The following TMEM114 variants were observed in gnomAD, a reference collection of about 807,000 sequenced individuals.
The protein encoded by TMEM114 is claudin-26.
In TMEM114, 6 loss-of-function variants were observed where a neutral mutation model predicts 6.2. The ratio of observed to expected loss-of-function variants is 0.97; its 90% CI spans 0.53 to 1.91. The LOEUF (loss-of-function observed/expected upper bound fraction) is 1.91, where lower values mean the gene tolerates loss of function less well. Ranked by LOEUF, TMEM114 falls within the 40% of genes most tolerant of loss-of-function variation. TMEM114 has a pLI of 0.01. For synonymous variants in TMEM114, 104 were observed against 73.0 expected (o/e 1.42, Z -2.16); for missense variants, 218 against 158.3 (o/e 1.38, Z -2.02).
rs956563559 is a variant in TMEM114 at position 8,587,532 on chromosome 16, A to G, written c.301+1681T>C. ...GTGGAGGGAACAGCATGTGCAAAATATTTGTGGCAGGAGGAAACTTAGCAT... is the reference window on the plus strand; with the variant it reads ...GTGGAGGGAACAGCATGTGCAAAATGTTTGTGGCAGGAGGAAACTTAGCAT... On this transcript the variant is annotated intron_variant, in intron 2 of 3. Coordinates refer to ENST00000620492, the MANE Select transcript of TMEM114 (RefSeq NM_001146336.2). Among the ~76,000 whole-genome samples, 1,148 of 152,330 alleles carry G rather than the reference A, an allele frequency of 7.5e-3. 13 individuals are homozygous for G. Among genetic ancestry groups the G allele is most frequent in the African/African-American group, 0.027 (1,105 of 41,580 alleles).
chr16:8,547,392 C>G (rs908113788), intron 2 of TMEM114, among the ~76,000 whole-genome samples: 1 of 144,564 alleles, frequency 6.9e-6, no homozygotes, highest in African/African-American at 2.6e-5. Context: ...TTCTTTCTTT[C>G]TTTCTTTTTT....
rs1261199059 is a variant in TMEM114 at position 8,589,216 on chromosome 16, G to A, written c.298C>T (p.Leu100Phe). The A allele has an allele frequency of 2.5e-6, 1 of 398,772 alleles. No individual in the cohort carries two copies. Among genetic ancestry groups the A allele is most frequent in the Non-Finnish European group, 4.4e-6 (1 of 226,292 alleles). 24.7% of individuals were successfully genotyped at this position (398,772 alleles called of 1,614,324 possible). A position where few individuals can be genotyped will look rare whatever the true frequency, so the allele number is the denominator to read the frequency against. ...TCCTCACCCTCCCCGGACTCACTGAGAAGTTGCCGGCTCGATTCGCTGACT... is the reference window on the plus strand; with the variant it reads ...TCCTCACCCTCCCCGGACTCACTGAAAAGTTGCCGGCTCGATTCGCTGACT... The part of the protein sequence containing the change: ...VTVSESSRQL[L>F]TMHGTFVILL... Residue 100 changes from leucine to phenylalanine, a missense_variant, in exon 2 of 4, where the codon CTC becomes TTC. Leu to Phe is a conservative substitution (Grantham distance 22). Transcript: ENST00000620492.
intron 2 of TMEM114, among the ~76,000 whole-genome samples, chr16:8,581,009 G>A (rs1902130574): frequency 1.3e-5 from 2 of 152,070 alleles, no homozygotes; most frequent in South Asian, 4.1e-4. Flanking sequence ...TACTTTAACA[G>A]ATCTGAAAAT....
chr16:8,550,981 T>C (rs1478672831), intron 2 of TMEM114, among the ~76,000 whole-genome samples: 1 of 152,196 alleles, frequency 6.6e-6, no homozygotes, highest in Non-Finnish European at 1.5e-5. Flanking sequence ...ACTACAAAGA[T>C]GAATGATACA....
the TMEM114 span, among the ~76,000 whole-genome samples, chr16:8,528,403 A>C: frequency 6.6e-6 from 1 of 152,176 alleles, no homozygotes; most frequent in Non-Finnish European, 1.5e-5. Context: ...AATAGGCATC[A>C]ACACTCTGCT....
intron 2 of TMEM114, among the ~76,000 whole-genome samples, chr16:8,583,877 A>G (rs377511144): frequency 1.3e-5 from 2 of 152,074 alleles, no homozygotes; most frequent in Non-Finnish European, 2.9e-5. Flanking sequence ...CATGTGACCA[A>G]TCCTCCCCAC....
chr16:8,529,202 G>A, the TMEM114 span, among the ~76,000 whole-genome samples: 1 of 152,216 alleles, frequency 6.6e-6, no homozygotes, highest in Non-Finnish European at 1.5e-5. Flanking sequence ...AGACTTGGAT[G>A]AAGGTTATTT....
chr16:8,559,956 C>G (rs1055567447), intron 2 of TMEM114, among the ~76,000 whole-genome samples: 1 of 152,104 alleles, frequency 6.6e-6, no homozygotes, highest in African/African-American at 2.4e-5. Context: ...GAAGACCGGG[C>G]TTTGCGTCTC....
chr16:8,576,021 G>A (rs1901913336), intron 2 of TMEM114, among the ~76,000 whole-genome samples: 2 of 152,156 alleles, frequency 1.3e-5, no homozygotes, highest in South Asian at 4.1e-4. Flanking sequence ...AGACTGCGGT[G>A]TTCTGCTGGA....
chr16:8,576,936 A>G (rs1901958159), intron 2 of TMEM114, among the ~76,000 whole-genome samples: 1 of 152,222 alleles, frequency 6.6e-6, no homozygotes, highest in Non-Finnish European at 1.5e-5. Flanking sequence ...GTGGTGCCTT[A>G]AGAGACTCAG....
Position 8,569,827 on chromosome 16 carries a change from G to T in TMEM114, c.618C>A (p.Phe206Leu). The T allele has an allele frequency of 1.3e-6, 2 of 1,551,004 alleles. No homozygotes were observed. The highest frequency in any genetic ancestry group is 8.7e-7 in the Non-Finnish European group (1 of 1,146,952). ...GGCTGAGCTCGCGGGCTGCTGCCAG[G>T]AAGGCTGCCCCGGTGAGCAGCTCGG... ...FIAELLTGAA[F>L]LAAARELSLR... Residue 206 changes from phenylalanine (F) to leucine (L), a missense_variant, in exon 4 of 4, where the codon TTC becomes TTA. Transcript: ENST00000620492.
chr16:8,541,092 C>A (rs1321080961), intron 2 of TMEM114, among the ~76,000 whole-genome samples: 1 of 152,046 alleles, frequency 6.6e-6, no homozygotes, highest in East Asian at 1.9e-4. Flanking sequence ...ATAATAATGA[C>A]CACAAATAGA....
chr16:8,579,399 G>A (rs1174946818), intron 2 of TMEM114, among the ~76,000 whole-genome samples: 1 of 152,294 alleles, frequency 6.6e-6, no homozygotes, highest in East Asian at 1.9e-4. Context: ...ACTTCTGGAA[G>A]AGCTCAGAGC....
At chr16:8,550,221 T>C (rs1026764990) in intron 2 of TMEM114, among the ~76,000 whole-genome samples, 1 of 152,216 alleles carries the variant, frequency 6.6e-6, no homozygotes, top group Admixed American at 6.5e-5. Context: ...TGGGTCTTCC[T>C]CTACCAGTCC....
At chr16:8,573,034 C>G (rs530915946) in intron 2 of TMEM114, among the ~76,000 whole-genome samples, 10 of 152,330 alleles carry the variant, frequency 6.6e-5, no homozygotes, top group Non-Finnish European at 1.0e-4. Context: ...ATATTTGTCA[C>G]CACAAGGAGG....
intron 2 of TMEM114, among the ~76,000 whole-genome samples, chr16:8,549,012 C>G (rs1900758781): frequency 6.6e-6 from 1 of 151,798 alleles, no homozygotes; most frequent in Non-Finnish European, 1.5e-5. Flanking sequence ...GAAACTCCAG[C>G]TCTACTAAAA....
downstream of TMEM114, among the ~76,000 whole-genome samples, chr16:8,565,604 A>G (rs1901515273): frequency 6.6e-6 from 1 of 152,060 alleles, no homozygotes; most frequent in South Asian, 2.1e-4. Context: ...GGATCTGACC[A>G]CACCTCCACC....
chr16:8,554,118 ATCCACCC>A lies in TMEM114; in HGVS notation n.213-16299_213-16293del, dbSNP rs1596473061. 5.9e-5 allele frequency among the ~76,000 whole-genome samples: 9 copies of A among 152,210 alleles called. No homozygotes were observed. In the East Asian group the frequency reaches 1.7e-3, roughly 29 times the overall value. On this transcript the variant is annotated intron_variant and non_coding_transcript_variant, in intron 2 of 2. Transcript: ENST00000623677. The stretch of plus-strand genomic sequence containing the variant: ...GATCTTGAACTCCTGAGCTCAGGTG[ATCCACCC>A]GACTTGGCCTCCCTAAGACTACTTC...
chr16:8,564,593 GTGAC>G (rs1175117465), downstream of TMEM114, among the ~76,000 whole-genome samples: 2 of 147,612 alleles, frequency 1.4e-5, no homozygotes, highest in Non-Finnish European at 1.5e-5. Flanking sequence ...AAATGAGTGA[GTGAC>G]GGAGGGAGGG....
Sources: allele counts gnomAD v4.1 joint callset (sites outside exome capture counted in the v4.1 genomes callset), GRCh38; gene constraint gnomAD v4.1.1; transcripts MANE v1.5; gene names NCBI Gene and HGNC (gene_info 2026-07-23, HGNC 2026-07-21).